NAALADL2: variants seen among roughly 807,000 people sequenced by gnomAD.
The protein encoded by NAALADL2 is N-acetylated alpha-linked acidic dipeptidase like 2.
A neutral mutation model predicts 87.2 loss-of-function variants in NAALADL2; 76 were observed. The observed-to-expected ratio is 0.87, with a 90% confidence interval of 0.72 to 1.05. The LOEUF is 1.05. NAALADL2 is among the 50% of genes least tolerant of loss of function. NAALADL2 has a pLI of 0.00. For missense variants in NAALADL2, 1,089 were observed against 945.8 expected, an observed-to-expected ratio of 1.15 and a Z score of -1.99; for synonymous variants, 354 against 331.0, an observed-to-expected ratio of 1.07 and a Z score of -0.75.
intron 2 of NAALADL2, among the ~76,000 whole-genome samples, chr3:175,114,475 C>A (rs1324654171): frequency 6.6e-6 from 1 of 151,628 alleles, no homozygotes; most frequent in African/African-American, 2.4e-5. Context: ...CCTATTATAT[C>A]TTTTATTGTC....
At chr3:175,748,227 G>A (rs1746177016) in intron 12 of NAALADL2, among the ~76,000 whole-genome samples, 1 of 152,054 alleles carries the variant, frequency 6.6e-6, no homozygotes, top group Admixed American at 6.5e-5. Context: ...CACTACCTGA[G>A]TTGTTTGTTT....
chr3:175,297,443 C>T (rs1453354472), intron 4 of NAALADL2, among the ~76,000 whole-genome samples: 3 of 152,220 alleles, frequency 2.0e-5, no homozygotes, highest in Non-Finnish European at 2.9e-5. Flanking sequence ...TCTGGGAATA[C>T]TTTATGATTT....
At chr3:175,468,865 A>C (rs6768708) in intron 8 of NAALADL2, among the ~76,000 whole-genome samples, 8,071 of 152,070 alleles carry the variant, frequency 0.053, 674 homozygotes, top group African/African-American at 0.18. Flanking sequence ...TTTTTGTCAA[A>C]GTAAGTTGAT....
chr3:175,504,313 T>C (rs1253651879), intron 9 of NAALADL2, among the ~76,000 whole-genome samples: 4 of 152,118 alleles, frequency 2.6e-5, no homozygotes, highest in African/African-American at 7.2e-5. Context: ...ACGGTTGGAA[T>C]TGAATGAATA....
At chr3:174,826,028 A>AAACAAC (rs71624294) in intron 3 of NAALADL2, among the ~76,000 whole-genome samples, 13,275 of 150,510 alleles carry the variant, frequency 0.088, 646 homozygotes, top group Middle Eastern at 0.11. Flanking sequence ...ACTCCATCTC[A>AAACAAC]AACAACAACA....
At chr3:175,209,148 A>T (rs1341022796) in intron 2 of NAALADL2, among the ~76,000 whole-genome samples, 7 of 152,154 alleles carry the variant, frequency 4.6e-5, no homozygotes. Flanking sequence ...AAGAACGTAA[A>T]ATAAAACATG....
intron 11 of NAALADL2, among the ~76,000 whole-genome samples, chr3:175,638,716 A>G (rs908172606): frequency 8.5e-5 from 13 of 152,226 alleles, no homozygotes; most frequent in African/African-American, 3.1e-4. Context: ...AATAAATTAT[A>G]TAACTATTTT....
intron 9 of NAALADL2, among the ~76,000 whole-genome samples, chr3:175,498,002 T>C (rs1729040198): frequency 6.6e-6 from 1 of 152,030 alleles, no homozygotes; most frequent in Non-Finnish European, 1.5e-5. Flanking sequence ...TTGCAATAAT[T>C]GATAAGTTTC....
At chr3:174,975,506 A>T (rs545623025) in intron 1 of NAALADL2, among the ~76,000 whole-genome samples, 291 of 152,262 alleles carry the variant, frequency 1.9e-3, no homozygotes, top group African/African-American at 6.8e-3. Flanking sequence ...TTTTAATGAC[A>T]AAAACCACAA....
intron 1 of NAALADL2, among the ~76,000 whole-genome samples, chr3:174,973,272 T>C (rs1419980002): frequency 6.6e-6 from 1 of 152,178 alleles, no homozygotes; most frequent in Non-Finnish European, 1.5e-5. Flanking sequence ...TTCATTCTGC[T>C]TGTATTTCAA....
chr3:174,822,665 A>G (rs1447056847), intron 3 of NAALADL2, among the ~76,000 whole-genome samples: 1 of 152,124 alleles, frequency 6.6e-6, no homozygotes, highest in Non-Finnish European at 1.5e-5. Flanking sequence ...TATATCACCT[A>G]TGCTATAGGT....
At chr3:174,761,903 AT>A (rs1447971804) in intron 3 of NAALADL2, among the ~76,000 whole-genome samples, 17 of 151,766 alleles carry the variant, frequency 1.1e-4, no homozygotes, top group African/African-American at 4.1e-4. Flanking sequence ...ATTACTTTTA[AT>A]GGCAAAGCCT....
intron 10 of NAALADL2, among the ~76,000 whole-genome samples, chr3:175,593,770 CTCA>C (rs1721861427): frequency 1.4e-5 from 1 of 71,360 alleles, no homozygotes; most frequent in African/African-American, 4.2e-5. Context: ...AGGGCCCACT[CTCA>C]AAAAAAAAAC....
intron 2 of NAALADL2, among the ~76,000 whole-genome samples, chr3:175,199,353 G>A (rs1324336480): frequency 6.6e-6 from 1 of 152,050 alleles, no homozygotes; most frequent in African/African-American, 2.4e-5. Flanking sequence ...GTCTTTAGAA[G>A]TCACATATAA....
intron 10 of NAALADL2, among the ~76,000 whole-genome samples, chr3:175,603,113 T>A (rs929104126): frequency 2.0e-5 from 3 of 152,172 alleles, no homozygotes; most frequent in African/African-American, 7.2e-5. Context: ...ACACAATGTC[T>A]TTCATCTAAT....
intron 1 of NAALADL2, among the ~76,000 whole-genome samples, chr3:174,926,421 G>A (rs536192858): frequency 6.6e-6 from 1 of 152,194 alleles, no homozygotes; most frequent in East Asian, 1.9e-4. Context: ...CACCAAAGTT[G>A]AAATGAAGGA....
intron 3 of NAALADL2, among the ~76,000 whole-genome samples, chr3:174,764,420 G>C (rs934115817): frequency 6.6e-6 from 1 of 152,188 alleles, no homozygotes. Flanking sequence ...GGCCATCCTG[G>C]CCAATATGGT....
intron 11 of NAALADL2, chr3:175,718,519 C>A: frequency 6.3e-7 from 1 of 1,590,298 alleles, no homozygotes; most frequent in Non-Finnish European, 8.6e-7. Context: ...CAATTATCAT[C>A]CCTGTCCATC....
chr3:175,702,541 A>C (rs1473681394), intron 11 of NAALADL2, among the ~76,000 whole-genome samples: 1 of 152,162 alleles, frequency 6.6e-6, no homozygotes, highest in Non-Finnish European at 1.5e-5. Flanking sequence ...AATAAAAAGA[A>C]AAATAGCACT....
Sources: gnomAD v4.1 joint callset for allele counts (sites outside exome capture counted in the v4.1 genomes callset) on GRCh38, gnomAD v4.1.1 for gene constraint, MANE v1.5 for transcripts, NCBI Gene and HGNC (gene_info 2026-07-23, HGNC 2026-07-21) for gene names.